CCDC158: variants seen among roughly 807,000 people sequenced by gnomAD.
The protein encoded by CCDC158 is coiled-coil domain containing 158.
Under a neutral mutation model 138.6 loss-of-function variants are expected in CCDC158, and 116 were observed. The ratio of observed to expected loss-of-function variants is 0.84; its 90% CI spans 0.72 to 0.98. The LOEUF is 0.98. Among genes scored for constraint, CCDC158 ranks in the 50% least tolerant of loss-of-function variants. CCDC158 has a pLI of 0.00. For synonymous variants in CCDC158, 436 were observed against 442.4 expected, an observed-to-expected ratio of 0.99 and a Z score of 0.18; for missense variants, 1,265 against 1,306.1, an observed-to-expected ratio of 0.97 and a Z score of 0.48.
intron 1 of CCDC158, among the ~76,000 whole-genome samples, chr4:76,417,072 G>A (rs1477413372): frequency 6.6e-6 from 1 of 152,092 alleles, no homozygotes; most frequent in Non-Finnish European, 1.5e-5. Flanking sequence ...AGCCACAGGG[G>A]TTGGAGCTGC....
At chr4:76,340,034 C>T (rs1391707333) in intron 18 of CCDC158, among the ~76,000 whole-genome samples, 1 of 152,188 alleles carries the variant, frequency 6.6e-6, no homozygotes, top group Admixed American at 6.5e-5. Context: ...ACTGGCAGCA[C>T]ATTTCAGTGA....
chr4:76,415,313 T>C (rs1379027998), intron 1 of CCDC158, among the ~76,000 whole-genome samples: 2 of 152,162 alleles, frequency 1.3e-5, no homozygotes, highest in Non-Finnish European at 2.9e-5. Flanking sequence ...CCGGGTACTG[T>C]TAAAGCCATT....
chr4:76,405,513 A>G (rs939246963), intron 2 of CCDC158, among the ~76,000 whole-genome samples: 1 of 152,180 alleles, frequency 6.6e-6, no homozygotes, highest in African/African-American at 2.4e-5. Context: ...ATAAAGACAA[A>G]CATTTAAAAA....
chr4:76,367,460 A>T lies in CCDC158; in HGVS notation c.1664T>A (p.Leu555Gln). Residue 555 changes from leucine (L) to glutamine (Q), a missense_variant, in exon 12 of 25, where the codon CTG becomes CAG. By Grantham distance (113) the Leu-to-Gln change is moderately radical. Coordinates refer to ENST00000682701, the MANE Select transcript of CCDC158 (RefSeq NM_001394954.1). ...NVQTECEALK[L>Q]QMTEKDKVIE... ...CACCTTGTCCTTCTCTGTCATCTGCAGTTTGAGGGCCTCACATTCTGTCTG... is the reference window on the plus strand; with the variant it reads ...CACCTTGTCCTTCTCTGTCATCTGCTGTTTGAGGGCCTCACATTCTGTCTG... The T allele has an allele frequency of 6.2e-6, 10 of 1,614,212 alleles. No homozygotes were observed. The highest frequency in any genetic ancestry group is 8.5e-6 in the Non-Finnish European group (10 of 1,180,044).
chr4:76,337,474 G>A (rs1317269767), intron 18 of CCDC158, among the ~76,000 whole-genome samples: 1 of 152,174 alleles, frequency 6.6e-6, no homozygotes, highest in Non-Finnish European at 1.5e-5. Context: ...GCTCATGCCT[G>A]TAGTCCTAGC....
At chr4:76,392,773 T>C (rs190616112) in intron 4 of CCDC158, among the ~76,000 whole-genome samples, 2 of 151,928 alleles carry the variant, frequency 1.3e-5, no homozygotes. Flanking sequence ...TTAGAACTAA[T>C]AAGCAAATTC....
At chr4:76,391,114 T>C (rs924973354) in intron 4 of CCDC158, among the ~76,000 whole-genome samples, 1 of 151,948 alleles carries the variant, frequency 6.6e-6, no homozygotes, top group Non-Finnish European at 1.5e-5. Context: ...ACCTAATCTG[T>C]ACTATAGACC....
chr4:76,319,921 T>C (rs1248721421), intron 24 of CCDC158, among the ~76,000 whole-genome samples: 3 of 152,192 alleles, frequency 2.0e-5, no homozygotes, highest in Non-Finnish European at 4.4e-5. Context: ...TATTCAACAT[T>C]GTACTGGAAG....
At chr4:76,323,194 T>TTAATAAA in intron 24 of CCDC158, 108 bp downstream of exon 24, 1 of 723,422 alleles carries the variant, frequency 1.4e-6, no homozygotes, top group South Asian at 2.1e-5. Flanking sequence ...AGTTTACAGT[T>TTAATAAA]GTTAATTCAA....
rs200915781 is a variant in CCDC158 at position 76,332,473 on chromosome 4, A to G, written c.2841T>C (p.Asp947=). 3.1e-6 allele frequency: 5 copies of G among 1,609,896 alleles called. No individual in the cohort carries two copies. The highest frequency in any genetic ancestry group is 1.3e-5 in the African/African-American group (1 of 74,898). Residue 947 remains aspartate (D), a synonymous_variant, in exon 20 of 25, where the codon GAT becomes GAC. Transcript: ENST00000682701. The part of the protein sequence containing the change: ...LYVAVEDRVR[D]CITESSLRSD... ...ATCTCAGGCTGGATTCAGTAATGCA[A>G]TCTCTTACCCTATCCTCTCTGTATA...
chr4:76,378,890 G>A (rs991837450), intron 9 of CCDC158, among the ~76,000 whole-genome samples: 2 of 152,148 alleles, frequency 1.3e-5, no homozygotes, highest in African/African-American at 2.4e-5. Flanking sequence ...CATTAATTCA[G>A]TTTGGTAGCT....
chr4:76,358,558 C>T (rs28427375), intron 13 of CCDC158, among the ~76,000 whole-genome samples: 4,470 of 152,244 alleles, frequency 0.029, 219 homozygotes, highest in African/African-American at 0.1. Flanking sequence ...CCAGCTAATA[C>T]TTCTGAGGTC....
In CCDC158 at chr4:76,333,111, A is replaced by C. The variant is rs570411616; in HGVS notation, c.2823-620T>G. The stretch of plus-strand genomic sequence containing the variant: ...GACATTATGTGCTTCAGATAATGTA[A>C]TGTTATGCTAAGGTAACTGGACTGT... On this transcript the variant is annotated intron_variant, in intron 19 of 24. Coordinates refer to ENST00000682701, the MANE Select transcript of CCDC158 (RefSeq NM_001394954.1). 3.9e-5 allele frequency among the ~76,000 whole-genome samples: 6 copies of C among 152,312 alleles called. No individual in the cohort carries two copies. The South Asian group carries it at 1.2e-3, about 32-fold the overall frequency.
At chr4:76,387,015 T>C (rs1226734240) in intron 4 of CCDC158, among the ~76,000 whole-genome samples, 2 of 152,126 alleles carry the variant, frequency 1.3e-5, no homozygotes, top group African/African-American at 2.4e-5. Context: ...CTGCAATTCT[T>C]AGGCAATTCC....
intron 18 of CCDC158, among the ~76,000 whole-genome samples, chr4:76,338,134 CCTT>C (rs1241582256): frequency 1.3e-5 from 2 of 152,188 alleles, no homozygotes; most frequent in East Asian, 3.9e-4. Context: ...GTTGCACACT[CCTT>C]ATGGGAATCT....
Position 76,384,148 on chromosome 4 carries a change from A to C in CCDC158, c.666T>G (p.Ile222Met). The change falls in exon 6 of 25, where the codon ATT becomes ATG. Residue 222 changes from isoleucine (I) to methionine (M), a missense_variant. Transcript: ENST00000682701. The stretch of plus-strand genomic sequence containing the variant: ...TGTCTAATTCTCTTAGTATTTTACT[A>C]ATAGCTGAGCCCAAGCTGCGGAAGT... ...TLHFRSLGSA[I>M]SKILRELDTE... 1.9e-6 allele frequency: 3 copies of C among 1,614,016 alleles called. No homozygotes were observed. Among genetic ancestry groups the C allele is most frequent in the Non-Finnish European group, 2.5e-6 (3 of 1,179,962 alleles).
Position 76,348,295 on chromosome 4 carries a change from C to T in CCDC158, c.2664+2701G>A, listed in dbSNP as rs573080548. Among the ~76,000 whole-genome samples the T allele has an allele frequency of 3.6e-3, 544 of 149,564 alleles. 1 individual carries two copies. Among genetic ancestry groups the T allele is most frequent in the Non-Finnish European group, 4.6e-3 (308 of 67,492 alleles). On this transcript the variant is annotated intron_variant, in intron 18 of 24. Transcript: ENST00000682701. ...AAAAAAAAAAAAAAAATTAGCCAGG[C>T]GAGGTGGTGGGCACCTGTAGTCCCA...
chr4:76,339,961 TC>T (rs1050342805), intron 18 of CCDC158, among the ~76,000 whole-genome samples: 2 of 152,210 alleles, frequency 1.3e-5, no homozygotes, highest in Non-Finnish European at 2.9e-5. Flanking sequence ...TAAAGGTAGA[TC>T]ACTGACCAGA....
In CCDC158 at chr4:76,343,322, T is replaced by C. The variant is rs917886893; in HGVS notation, c.2664+7674A>G. On this transcript the variant is annotated intron_variant, in intron 18 of 24. Coordinates refer to ENST00000682701, the MANE Select transcript of CCDC158 (RefSeq NM_001394954.1). ...AAAGCATTACCTAACCATCTACCAGTTGAAAAGCCCTGACAACCTTACATA... is the reference window on the plus strand; with the variant it reads ...AAAGCATTACCTAACCATCTACCAGCTGAAAAGCCCTGACAACCTTACATA... Among the ~76,000 whole-genome samples the C allele has an allele frequency of 3.9e-5, 6 of 152,266 alleles. No individual in the cohort carries two copies. In the East Asian group the frequency reaches 1.2e-3, roughly 29 times the overall value.
Sources: gnomAD v4.1 joint callset for allele counts (sites outside exome capture counted in the v4.1 genomes callset) on GRCh38, gnomAD v4.1.1 for gene constraint, MANE v1.5 for transcripts, NCBI Gene and HGNC (gene_info 2026-07-23, HGNC 2026-07-21) for gene names.